The following ZBTB7C variants were observed in gnomAD, a reference collection of about 807,000 sequenced individuals.
ZBTB7C encodes the protein zinc finger and BTB domain containing 7C.
ZBTB7C carries 8 observed loss-of-function variants against 25.7 expected under a neutral mutation model. The ratio of observed to expected loss-of-function variants is 0.31; its 90% CI spans 0.18 to 0.56. ZBTB7C has a LOEUF of 0.56. Among genes scored for constraint, ZBTB7C ranks in the 20% least tolerant of loss-of-function variants. The pLI is 0.91. For missense variants in ZBTB7C, 824 were observed against 855.2 expected, an observed-to-expected ratio of 0.96 and a Z score of 0.46; for synonymous variants, 394 against 369.0, an observed-to-expected ratio of 1.07 and a Z score of -0.78.
intron 2 of ZBTB7C, among the ~76,000 whole-genome samples, chr18:48,248,375 T>C (rs2043755361): frequency 6.6e-6 from 1 of 152,188 alleles, no homozygotes; most frequent in African/African-American, 2.4e-5. Flanking sequence ...GGATGCCACA[T>C]ATGTTCCCAT....
At chr18:48,354,724 C>T (rs1299436438) in intron 1 of ZBTB7C, among the ~76,000 whole-genome samples, 1 of 152,164 alleles carries the variant, frequency 6.6e-6, no homozygotes, top group African/African-American at 2.4e-5. Context: ...GTCCCTGCAG[C>T]CAGTTAGGCA....
At chr18:48,326,915 A>G (rs2046233298) in intron 2 of ZBTB7C, among the ~76,000 whole-genome samples, 1 of 152,196 alleles carries the variant, frequency 6.6e-6, no homozygotes, top group Admixed American at 6.5e-5. Context: ...AACTAAACAC[A>G]AGAGGAAACG....
intron 3 of ZBTB7C, among the ~76,000 whole-genome samples, chr18:48,049,628 T>G (rs918278543): frequency 1.5e-4 from 23 of 152,180 alleles, no homozygotes; most frequent in Non-Finnish European, 8.8e-5. Flanking sequence ...AAGGTGCTTA[T>G]ATTAATTCAT....
At chr18:48,319,724 T>A (rs556216614) in intron 2 of ZBTB7C, among the ~76,000 whole-genome samples, 1 of 152,230 alleles carries the variant, frequency 6.6e-6, no homozygotes, top group African/African-American at 2.4e-5. Flanking sequence ...TAGGCATTTG[T>A]CCAATCTTAG....
intron 4 of ZBTB7C, among the ~76,000 whole-genome samples, chr18:48,034,439 G>T (rs2035883798): frequency 6.6e-6 from 1 of 152,162 alleles, no homozygotes; most frequent in East Asian, 1.9e-4. Context: ...CTTGGACACT[G>T]ATGCTCTATC....
At chr18:48,327,984 G>A (rs999882992) in intron 2 of ZBTB7C, among the ~76,000 whole-genome samples, 14 of 152,002 alleles carry the variant, frequency 9.2e-5, no homozygotes, top group East Asian at 7.8e-4. Flanking sequence ...CGAGGCGGGC[G>A]GATCACGAGG....
chr18:48,184,592 G>A (rs1456180539), intron 3 of ZBTB7C, among the ~76,000 whole-genome samples: 2 of 152,004 alleles, frequency 1.3e-5, no homozygotes, highest in African/African-American at 4.8e-5. Flanking sequence ...TCTCCTGCTT[G>A]CTTGGGACAA....
At chr18:48,231,178 T>C (rs1242981450) in intron 2 of ZBTB7C, among the ~76,000 whole-genome samples, 1 of 152,050 alleles carries the variant, frequency 6.6e-6, no homozygotes, top group Non-Finnish European at 1.5e-5. Context: ...TGCAGGTCCC[T>C]GGTGAAACCC....
intron 2 of ZBTB7C, among the ~76,000 whole-genome samples, chr18:48,210,659 G>GGAA (rs915202515): frequency 6.6e-6 from 1 of 152,164 alleles, no homozygotes; most frequent in African/African-American, 2.4e-5. Flanking sequence ...ATGGAGTGAG[G>GGAA]GAAGAGAGAA....
At chr18:48,077,351 TG>T (rs34629482) in intron 3 of ZBTB7C, among the ~76,000 whole-genome samples, 1 of 152,044 alleles carries the variant, frequency 6.6e-6, no homozygotes, top group East Asian at 1.9e-4. Context: ...GAAGGTGAGA[TG>T]GGGGTGGTGC....
intron 2 of ZBTB7C, among the ~76,000 whole-genome samples, chr18:48,293,837 C>T (rs1338675163): frequency 6.7e-6 from 1 of 149,444 alleles, no homozygotes. Flanking sequence ...AGGCTGGTCT[C>T]AAATTCCTGG....
chr18:48,066,870 G>C (rs1251196569), intron 3 of ZBTB7C, among the ~76,000 whole-genome samples: 1 of 152,228 alleles, frequency 6.6e-6, no homozygotes, highest in Non-Finnish European at 1.5e-5. Context: ...GGGAGGCCAA[G>C]GCGGGCGGAT....
intron 2 of ZBTB7C, among the ~76,000 whole-genome samples, chr18:48,319,448 G>C (rs991399271): frequency 6.6e-6 from 1 of 152,134 alleles, no homozygotes; most frequent in Non-Finnish European, 1.5e-5. Context: ...TGTTAGCTAC[G>C]ATTATGACCT....
intron 3 of ZBTB7C, among the ~76,000 whole-genome samples, chr18:48,109,587 T>C (rs1302183207): frequency 2.0e-5 from 3 of 150,996 alleles, no homozygotes; most frequent in Admixed American, 6.6e-5. Flanking sequence ...GTGAACAATA[T>C]TATCAGGAAG....
rs563179647 is a variant in ZBTB7C, at chr18:48,382,489, G to C, written c.-304+26737C>G. Among the ~76,000 whole-genome samples, 161 of 152,312 alleles carry C rather than the reference G, an allele frequency of 1.1e-3. 1 individual carries two copies. The highest frequency in any genetic ancestry group is 3.8e-3 in the African/African-American group (158 of 41,576). On this transcript the variant is annotated intron_variant, in intron 1 of 4. Coordinates refer to ENST00000590800, the MANE Select transcript of ZBTB7C (RefSeq NM_001318841.2). ...AACAAAGAAAGTGAAGTTGTCGACA[G>C]CTACTATTATAAAAACGCTTCTTCA...
intron 3 of ZBTB7C, among the ~76,000 whole-genome samples, chr18:48,183,960 G>A (rs760442416): frequency 2.0e-5 from 3 of 152,078 alleles, no homozygotes; most frequent in Non-Finnish European, 4.4e-5. Flanking sequence ...TGTTTCCTAA[G>A]AGCTCTCCCT....
At chr18:48,122,828 G>T (rs527238020) in intron 3 of ZBTB7C, among the ~76,000 whole-genome samples, 2 of 152,186 alleles carry the variant, frequency 1.3e-5, no homozygotes, top group Non-Finnish European at 2.9e-5. Context: ...CATTGTAGCT[G>T]CTCAGCAAAC....
chr18:48,093,606 A>T (rs2038500847), intron 3 of ZBTB7C, among the ~76,000 whole-genome samples: 1 of 147,788 alleles, frequency 6.8e-6, no homozygotes, highest in Non-Finnish European at 1.5e-5. Flanking sequence ...GGCAGCAGTG[A>T]TTAAAAAAAA....
chr18:48,313,902 G>A (rs991223134), intron 2 of ZBTB7C, among the ~76,000 whole-genome samples: 3 of 152,160 alleles, frequency 2.0e-5, no homozygotes, highest in Non-Finnish European at 2.9e-5. Flanking sequence ...CATCTCCTTG[G>A]TGATGAGTGA....
Sources: gnomAD v4.1 joint callset for allele counts (sites outside exome capture counted in the v4.1 genomes callset) on GRCh38, gnomAD v4.1.1 for gene constraint, MANE v1.5 for transcripts, NCBI Gene and HGNC (gene_info 2026-07-23, HGNC 2026-07-21) for gene names.